The following ZSWIM5 variants were observed in gnomAD, a reference collection of about 807,000 sequenced individuals.
ZSWIM5 encodes the protein zinc finger SWIM domain-containing protein 5.
Under a neutral mutation model 119.6 loss-of-function variants are expected in ZSWIM5, and 55 were observed. That is an observed-to-expected ratio of 0.46 (90% CI 0.37 to 0.58). The LOEUF (loss-of-function observed/expected upper bound fraction) is 0.58, where lower values mean the gene tolerates loss of function less well. ZSWIM5 is among the 20% of genes least tolerant of loss of function. The probability of loss-of-function intolerance (pLI) is 0.00; values close to 1 mark genes in which losing one functional copy is unlikely to be tolerated. For missense variants in ZSWIM5, 1,193 were observed against 1,512.8 expected (o/e 0.79, Z 3.51); for synonymous variants, 537 against 606.9 (o/e 0.88, Z 1.69).
intron 5 of ZSWIM5, among the ~76,000 whole-genome samples, chr1:45,047,714 T>G (rs1356637991): frequency 1.3e-5 from 2 of 152,062 alleles, no homozygotes; most frequent in East Asian, 3.9e-4. Flanking sequence ...AGAGGCAGAG[T>G]AGATGGGCAA....
chr1:45,094,899 T>C (rs1302196475), intron 1 of ZSWIM5, among the ~76,000 whole-genome samples: 1 of 151,626 alleles, frequency 6.6e-6, no homozygotes, highest in Non-Finnish European at 1.5e-5. Context: ...AGCAGTATGT[T>C]GAGTCCCCAT....
At chr1:45,079,281 C>T (rs1264098674) in intron 2 of ZSWIM5, among the ~76,000 whole-genome samples, 1 of 152,202 alleles carries the variant, frequency 6.6e-6, no homozygotes, top group African/African-American at 2.4e-5. Flanking sequence ...CCCGCCTGCA[C>T]CCAGGTGAAA....
At chr1:45,136,821 A>G (rs1645693345) in intron 1 of ZSWIM5, among the ~76,000 whole-genome samples, 1 of 152,004 alleles carries the variant, frequency 6.6e-6, no homozygotes, top group South Asian at 2.1e-4. Flanking sequence ...GGTATATATA[A>G]TTCTTCAGGG....
intron 1 of ZSWIM5, among the ~76,000 whole-genome samples, chr1:45,188,192 C>T (rs1486916397): frequency 6.6e-6 from 1 of 152,122 alleles, no homozygotes; most frequent in African/African-American, 2.4e-5. Flanking sequence ...GAAAACAACC[C>T]AAACATGCAA....
At chr1:45,053,762 CAAAAA>C (rs10675427) in intron 4 of ZSWIM5, among the ~76,000 whole-genome samples, 2 of 92,068 alleles carry the variant, frequency 2.2e-5, no homozygotes, top group African/African-American at 4.3e-5. Flanking sequence ...GACTCTGTTT[CAAAAA>C]AAAAAAAAAA....
intron 8 of ZSWIM5, among the ~76,000 whole-genome samples, chr1:45,036,614 G>A (rs1468553877): frequency 6.6e-6 from 1 of 151,478 alleles, no homozygotes; most frequent in Admixed American, 6.6e-5. Flanking sequence ...CTCGGCCTCC[G>A]AATGTGCTGG....
At position 45,064,901 on chromosome 1, in the gene ZSWIM5, G is replaced by A. The variant is rs544755961; in HGVS notation, c.953-4654C>T. On this transcript the variant is annotated intron_variant, in intron 2 of 13. Coordinates refer to ENST00000359600, the MANE Select transcript of ZSWIM5 (RefSeq NM_020883.2). Reference sequence around the variant, plus strand: ...ATACTTTGGCCTTCAGTCTCATACCGCTGGATTCACTAGTTGGTTTTAGGT... The same window carrying A: ...ATACTTTGGCCTTCAGTCTCATACCACTGGATTCACTAGTTGGTTTTAGGT... Among the ~76,000 whole-genome samples, 15 of 152,204 alleles carry A rather than the reference G, an allele frequency of 9.9e-5. No homozygotes were observed. The East Asian group carries it at 2.3e-3, about 23-fold the overall frequency.
Position 45,020,164 on chromosome 1 carries a change from C to T in ZSWIM5, c.2614-17G>A, listed in dbSNP as rs1644877993. On this transcript the variant is annotated splice_polypyrimidine_tract_variant and intron_variant, in intron 12 of 13. Transcript: ENST00000359600. ...CCGCATCACCTGGGCACAAAAGAGG[C>T]CTTTCCAGTGGGCTATGCCTAACTG... 6.2e-7 allele frequency: 1 copy of T among 1,612,292 alleles called. No individual in the cohort carries two copies. The highest frequency in any genetic ancestry group is 8.5e-7 in the Non-Finnish European group (1 of 1,178,340).
intron 1 of ZSWIM5, among the ~76,000 whole-genome samples, chr1:45,103,204 G>T (rs938391268): frequency 1.3e-5 from 2 of 152,048 alleles, no homozygotes; most frequent in African/African-American, 4.8e-5. Context: ...TTATGCTTCT[G>T]CCAATTTTTA....
At chr1:45,140,387 TG>T (rs1183315869) in intron 1 of ZSWIM5, among the ~76,000 whole-genome samples, 8 of 152,236 alleles carry the variant, frequency 5.3e-5, no homozygotes, top group African/African-American at 1.9e-4. Context: ...AGAAAAAGTT[TG>T]CTGACCTCTG....
At chr1:45,160,582 C>A (rs1366622083) in intron 1 of ZSWIM5, among the ~76,000 whole-genome samples, 2 of 151,992 alleles carry the variant, frequency 1.3e-5, no homozygotes, top group African/African-American at 2.4e-5. Context: ...TCCAGCTGCA[C>A]CCATGTTGCT....
chr1:45,180,824 G>C (rs1646013178), intron 1 of ZSWIM5, among the ~76,000 whole-genome samples: 1 of 152,020 alleles, frequency 6.6e-6, no homozygotes, highest in African/African-American at 2.4e-5. Flanking sequence ...AGGCAAACAG[G>C]GTCTGGAGTG....
chr1:45,025,239 G>C (rs997481672), intron 11 of ZSWIM5, among the ~76,000 whole-genome samples: 1 of 152,192 alleles, frequency 6.6e-6, no homozygotes, highest in Non-Finnish European at 1.5e-5. Context: ...ATTATAGTAA[G>C]TGTTTCCATT....
At position 45,035,690 on chromosome 1, in the gene ZSWIM5, C is replaced by G; in HGVS notation, c.2289G>C (p.Met763Ile). The stretch of plus-strand genomic sequence containing the variant: ...TGGACTGGGAAAGGGCTACCCACCT[C>G]ATGGCACGTAAGGCTAATTTATAGG... Reference protein sequence around the residue: ...DLSYKLALRAMRLPVLENSAS... With the variant: ...DLSYKLALRAIRLPVLENSAS... Residue 763 changes from methionine to isoleucine, a missense_variant and splice_region_variant, in exon 10 of 14, where the codon ATG (methionine) becomes ATC (isoleucine). Around this residue, in one of 2 missense-constraint regions of ZSWIM5, gnomAD observed 961 missense variants for 1,290.0 expected, o/e 0.74. Transcript: ENST00000359600. 6.2e-7 allele frequency: 1 copy of G among 1,613,208 alleles called. No individual in the cohort carries two copies. The highest frequency in any genetic ancestry group is 8.5e-7 in the Non-Finnish European group (1 of 1,179,942).
At chr1:45,071,609 CCAA>C (rs1645222849) in intron 2 of ZSWIM5, among the ~76,000 whole-genome samples, 2 of 151,890 alleles carry the variant, frequency 1.3e-5, no homozygotes, top group Non-Finnish European at 2.9e-5. Context: ...GTGCATGCCA[CCAA>C]CATCTGGCTA....
chr1:45,110,922 C>T (rs2997399), intron 1 of ZSWIM5, among the ~76,000 whole-genome samples: 134,369 of 152,188 alleles, frequency 0.88, 59,647 homozygotes, highest in East Asian at 1. Flanking sequence ...AGATATCGAT[C>T]TGGTGACTGA....
In ZSWIM5 at chr1:45,044,780, TATATATATAA is replaced by T. The variant is rs1328737301; in HGVS notation, c.1433-1395_1433-1386del. Among the ~76,000 whole-genome samples the T allele has an allele frequency of 8.5e-3, 32 of 3,784 alleles. 4 individuals are homozygous for T. Among genetic ancestry groups the T allele is most frequent in the Non-Finnish European group, 0.016 (28 of 1,762 alleles). The allele number at this position is 3,784 out of a possible 152,430, so 2.5% of individuals were successfully genotyped here. A position where few individuals can be genotyped will look rare whatever the true frequency, so the allele number is the denominator to read the frequency against. ...ATATATATATATATATATATAAATA[TATATATATAA>T]ATATATATATATAAATATATATATA... On this transcript the variant is annotated intron_variant, in intron 5 of 13. Coordinates refer to ENST00000359600, the MANE Select transcript of ZSWIM5 (RefSeq NM_020883.2).
At chr1:45,081,457 C>T (rs549283822) in intron 2 of ZSWIM5, among the ~76,000 whole-genome samples, 132 of 152,100 alleles carry the variant, frequency 8.7e-4, no homozygotes, top group South Asian at 1.2e-3. Context: ...ATTGCAGGCG[C>T]GCGCCGCCAC....
chr1:45,200,838 A>C (rs944073102), intron 1 of ZSWIM5, among the ~76,000 whole-genome samples: 2 of 152,240 alleles, frequency 1.3e-5, no homozygotes, highest in African/African-American at 2.4e-5. Context: ...CATGAAACTC[A>C]GATATGCAAC....
Sources: gnomAD v4.1 joint callset for allele counts (sites outside exome capture counted in the v4.1 genomes callset) on GRCh38, gnomAD v4.1.1 for gene constraint, gnomAD v4.1.1 regional missense constraint, MANE v1.5 for transcripts, NCBI Gene and HGNC (gene_info 2026-07-23, HGNC 2026-07-21) for gene names.